The following PLCB1 variants were observed in gnomAD, a reference collection of about 807,000 sequenced individuals.
PLCB1 encodes phospholipase C beta 1, also known as 1-phosphatidylinositol 4,5-bisphosphate phosphodiesterase beta-1.
In PLCB1, 46 loss-of-function variants were observed where a neutral mutation model predicts 161.8. That is an observed-to-expected ratio of 0.28 (90% CI 0.22 to 0.36). The LOEUF is 0.36. Ranked by LOEUF, PLCB1 falls within the 10% of genes least tolerant of loss-of-function variation. The pLI is 1.00. For synonymous variants in PLCB1, 517 were observed against 503.7 expected (o/e 1.03, Z -0.35); for missense variants, 1,016 against 1,472.5 (o/e 0.69, Z 5.07).
intron 7 of PLCB1, among the ~76,000 whole-genome samples, chr20:8,656,341 T>C (rs959122496): frequency 6.6e-5 from 10 of 152,096 alleles, no homozygotes; most frequent in Admixed American, 5.9e-4. Context: ...TTTTTAGACA[T>C]TTGTATAACT....
chr20:8,276,962 CTTCTTCTTCTTCT>C (rs1982589343), intron 2 of PLCB1, among the ~76,000 whole-genome samples: 1 of 125,480 alleles, frequency 8.0e-6, no homozygotes, highest in Non-Finnish European at 1.6e-5. Flanking sequence ...TCTTCTTCTT[CTTCTTCTTCTTCT>C]TCTTCTTCTT....
intron 31 of PLCB1, among the ~76,000 whole-genome samples, chr20:8,876,190 A>G (rs1987774312): frequency 6.6e-6 from 1 of 152,188 alleles, no homozygotes; most frequent in Non-Finnish European, 1.5e-5. Flanking sequence ...CTATAATAAA[A>G]CAAACTCTGA....
At chr20:8,644,314 G>T (rs963985775) in intron 4 of PLCB1, among the ~76,000 whole-genome samples, 1 of 149,442 alleles carries the variant, frequency 6.7e-6, no homozygotes, top group East Asian at 2.0e-4. Flanking sequence ...AGTGAGGAGC[G>T]TCTCTGCCCG....
intron 3 of PLCB1, among the ~76,000 whole-genome samples, chr20:8,460,052 G>A (rs892009717): frequency 6.6e-6 from 1 of 152,114 alleles, no homozygotes; most frequent in Non-Finnish European, 1.5e-5. Flanking sequence ...AAGACTTAAG[G>A]GCAGATTTCA....
intron 4 of PLCB1, among the ~76,000 whole-genome samples, chr20:8,640,702 A>T (rs1988924751): frequency 6.6e-6 from 1 of 152,208 alleles, no homozygotes; most frequent in African/African-American, 2.4e-5. Context: ...GACTCAGGAA[A>T]CTAGGAGGAG....
intron 3 of PLCB1, among the ~76,000 whole-genome samples, chr20:8,592,832 A>G (rs1461472705): frequency 1.3e-5 from 2 of 152,172 alleles, no homozygotes; most frequent in Non-Finnish European, 2.9e-5. Context: ...AATGCCCACC[A>G]TATATTATCT....
intron 10 of PLCB1, among the ~76,000 whole-genome samples, chr20:8,691,624 T>A (rs1437763357): frequency 1.3e-5 from 2 of 152,166 alleles, no homozygotes; most frequent in Non-Finnish European, 2.9e-5. Context: ...ATAGGAAGAA[T>A]TTCAATATTC....
rs575631715 is a variant in PLCB1 at position 8,177,359 on chromosome 20, G to A, written c.177+26988G>A. Among the ~76,000 whole-genome samples, 10 of 152,252 alleles carry A rather than the reference G, an allele frequency of 6.6e-5. No individual in the cohort carries two copies. In the East Asian group the frequency reaches 1.2e-3, roughly 18 times the overall value. ...CATCTTGATCTTGGACTTCTCAGCCGCCAGAACAGTGAGGAATACATTTCT... is the reference window on the plus strand; with the variant it reads ...CATCTTGATCTTGGACTTCTCAGCCACCAGAACAGTGAGGAATACATTTCT... On this transcript the variant is annotated intron_variant, in intron 2 of 31. Transcript: ENST00000338037.
rs910176677 is a variant in PLCB1 at position 8,876,479 on chromosome 20, C to T, written c.3424-5143C>T. Among the ~76,000 whole-genome samples the T allele has an allele frequency of 1.5e-4, 23 of 152,180 alleles. 1 individual carries two copies. The highest frequency in any genetic ancestry group is 5.3e-4 in the African/African-American group (22 of 41,536). On this transcript the variant is annotated intron_variant, in intron 31 of 31. Coordinates refer to ENST00000338037, the MANE Select transcript of PLCB1 (RefSeq NM_015192.4). ...CACAGCAATGAAAGGATGGGGCCAG[C>T]TGTGTTAGCTTATGAGTATTTTATG...
chr20:8,461,919 C>T (rs1050489097), intron 3 of PLCB1, among the ~76,000 whole-genome samples: 1 of 152,096 alleles, frequency 6.6e-6, no homozygotes, highest in Non-Finnish European at 1.5e-5. Context: ...AAAAATATCC[C>T]ATTCCAATTT....
chr20:8,197,748 G>A (rs968601486), intron 2 of PLCB1, among the ~76,000 whole-genome samples: 1 of 152,106 alleles, frequency 6.6e-6, no homozygotes, highest in South Asian at 2.1e-4. Flanking sequence ...CCTATGTCCT[G>A]CATGGTATTG....
At chr20:8,499,237 G>A (rs1454390886) in intron 3 of PLCB1, among the ~76,000 whole-genome samples, 3 of 152,142 alleles carry the variant, frequency 2.0e-5, no homozygotes, top group Non-Finnish European at 2.9e-5. Context: ...TTAGGTAAGG[G>A]TGAAAATAAT....
chr20:8,203,012 G>A (rs1038648176), intron 2 of PLCB1, among the ~76,000 whole-genome samples: 4 of 152,064 alleles, frequency 2.6e-5, no homozygotes, highest in Admixed American at 1.3e-4. Context: ...TATAGTGCAC[G>A]TGGCAAGTAG....
chr20:8,538,496 A>G (rs186363740), intron 3 of PLCB1, among the ~76,000 whole-genome samples: 1 of 152,178 alleles, frequency 6.6e-6, no homozygotes, highest in East Asian at 1.9e-4. Context: ...ACCACAGGTT[A>G]TGCCACACCT....
intron 31 of PLCB1, among the ~76,000 whole-genome samples, chr20:8,824,975 G>T (rs1985620172): frequency 6.6e-6 from 1 of 152,162 alleles, no homozygotes; most frequent in Non-Finnish European, 1.5e-5. Context: ...AAGCATCATT[G>T]GAGTAGCTTG....
intron 3 of PLCB1, among the ~76,000 whole-genome samples, chr20:8,566,253 CA>C (rs1460010095): frequency 6.6e-6 from 1 of 152,112 alleles, no homozygotes; most frequent in Non-Finnish European, 1.5e-5. Context: ...TGGAAACAAT[CA>C]TTAAATATTA....
At chr20:8,493,167 C>G (rs1337616709) in intron 3 of PLCB1, among the ~76,000 whole-genome samples, 2 of 151,996 alleles carry the variant, frequency 1.3e-5, no homozygotes, top group African/African-American at 4.8e-5. Context: ...AATGCCTATC[C>G]CTGCACCATG....
At chr20:8,274,399 CCT>C (rs2123269550) in intron 2 of PLCB1, among the ~76,000 whole-genome samples, 1 of 152,046 alleles carries the variant, frequency 6.6e-6, no homozygotes, top group East Asian at 1.9e-4. Flanking sequence ...ATATTGATTG[CCT>C]CTCTGTGAAG....
chr20:8,166,608 A>G (rs1442426975), intron 2 of PLCB1, among the ~76,000 whole-genome samples: 3 of 152,128 alleles, frequency 2.0e-5, no homozygotes, highest in African/African-American at 7.2e-5. Flanking sequence ...AAACATTTCC[A>G]AGATTGGTAT....
Sources: allele counts gnomAD v4.1 joint callset (sites outside exome capture counted in the v4.1 genomes callset), GRCh38; gene constraint gnomAD v4.1.1; transcripts MANE v1.5; gene names NCBI Gene and HGNC (gene_info 2026-07-23, HGNC 2026-07-21).